Variants in RGS17 observed in about 807,000 individuals in gnomAD.
The protein encoded by RGS17 is regulator of G protein signaling 17.
Under a neutral mutation model 25.5 loss-of-function variants are expected in RGS17, and 12 were observed. That is an observed-to-expected ratio of 0.47 (90% CI 0.30 to 0.76). The LOEUF is 0.76. Ranked by LOEUF, RGS17 falls within the 30% of genes least tolerant of loss-of-function variation. The probability of loss-of-function intolerance (pLI) is 0.07; values close to 1 mark genes in which losing one functional copy is unlikely to be tolerated. For synonymous variants in RGS17, 71 were observed against 76.9 expected (o/e 0.92, Z 0.40); for missense variants, 196 against 242.2 (o/e 0.81, Z 1.27).
In RGS17 at chr6:153,053,644, G is replaced by A. The variant is rs1233680292; in HGVS notation, c.-25-9601C>T. Among the ~76,000 whole-genome samples, 3 of 151,580 alleles carry A rather than the reference G, an allele frequency of 2.0e-5. No individual in the cohort carries two copies. The Admixed American group carries it at 2.0e-4, about 10-fold the overall frequency. ...TTACAGAAAATAAAAAATTTAACCA[G>A]GCATGGTGGCATACATATGTAGTCC... On this transcript the variant is annotated intron_variant, in intron 1 of 4. Coordinates refer to ENST00000206262, the MANE Select transcript of RGS17 (RefSeq NM_012419.5).
At chr6:153,051,506 A>G (rs1166798392) in intron 1 of RGS17, among the ~76,000 whole-genome samples, 1 of 152,182 alleles carries the variant, frequency 6.6e-6, no homozygotes, top group Non-Finnish European at 1.5e-5. Context: ...CCTTTTCTCC[A>G]TCTTGTGCAA....
At chr6:153,052,266 C>A (rs967860089) in intron 1 of RGS17, among the ~76,000 whole-genome samples, 1 of 2,340 alleles carries the variant, frequency 4.3e-4, no homozygotes, top group African/African-American at 0.02. Flanking sequence ...GGGACCTCTG[C>A]CCCCAGTGGG....
At chr6:153,123,698 G>A (rs1777669074) in intron 1 of RGS17, among the ~76,000 whole-genome samples, 1 of 152,190 alleles carries the variant, frequency 6.6e-6, no homozygotes, top group Non-Finnish European at 1.5e-5. Flanking sequence ...AGATGGAACT[G>A]CAGCAGTATC....
At chr6:153,099,140 TAC>T (rs1777259537) in intron 1 of RGS17, among the ~76,000 whole-genome samples, 1 of 152,152 alleles carries the variant, frequency 6.6e-6, no homozygotes, top group Non-Finnish European at 1.5e-5. Flanking sequence ...ACCAGTAAGA[TAC>T]ACAGACACTA....
intron 1 of RGS17, among the ~76,000 whole-genome samples, chr6:153,079,751 T>C (rs1776944411): frequency 6.6e-6 from 1 of 152,014 alleles, no homozygotes; most frequent in Non-Finnish European, 1.5e-5. Flanking sequence ...TAAAGGATAT[T>C]GATCTGTAGG....
intron 1 of RGS17, among the ~76,000 whole-genome samples, chr6:153,102,842 G>A (rs181254994): frequency 6.6e-6 from 1 of 152,286 alleles, no homozygotes; most frequent in African/African-American, 2.4e-5. Context: ...TGTTCATTGT[G>A]TATGTGTCTT....
intron 1 of RGS17, among the ~76,000 whole-genome samples, chr6:153,072,915 T>C (rs1776826394): frequency 6.7e-6 from 1 of 149,240 alleles, no homozygotes; most frequent in African/African-American, 2.5e-5. Flanking sequence ...TTCATATGAG[T>C]TGTGAAATAT....
At chr6:153,020,081 C>T (rs1646077744) in intron 4 of RGS17, among the ~76,000 whole-genome samples, 1 of 117,110 alleles carries the variant, frequency 8.5e-6, no homozygotes, top group African/African-American at 3.6e-5. Context: ...GTTATGTCAC[C>T]TCCTAATTGC....
intron 1 of RGS17, among the ~76,000 whole-genome samples, chr6:153,049,938 G>T (rs188016568): frequency 2.0e-4 from 31 of 152,144 alleles, no homozygotes; most frequent in Non-Finnish European, 3.4e-4. Context: ...TTAGGCAATG[G>T]CATGGGAACA....
chr6:153,119,723 G>A (rs1777597891), intron 1 of RGS17, among the ~76,000 whole-genome samples: 1 of 152,112 alleles, frequency 6.6e-6, no homozygotes, highest in African/African-American at 2.4e-5. Context: ...TTTCCAATAG[G>A]ATGGCAACAT....
intron 2 of RGS17, among the ~76,000 whole-genome samples, chr6:153,033,591 G>A (rs1421382388): frequency 2.6e-5 from 4 of 152,028 alleles, no homozygotes; most frequent in South Asian, 2.1e-4. Context: ...AGTGGCGTGC[G>A]CCTGTAGCCC....
chr6:153,009,980 AAAG>A lies in RGS17; in HGVS notation c.*1591_*1593del, dbSNP rs1185135712. ...AACCTTTCAAGTAAAATAAATTTAA[AAAG>A]AAACCCCCAAACTTGTTTTTTTAAA... On this transcript the variant is annotated 3_prime_UTR_variant, in exon 5 of 5. Transcript: ENST00000206262. 1 of 151,952 alleles carries A rather than the reference AAAG, an allele frequency of 6.6e-6. No individual in the cohort carries two copies. Among genetic ancestry groups the A allele is most frequent in the African/African-American group, 2.4e-5 (1 of 41,446 alleles). The allele number at this position is 151,952 out of a possible 1,614,324, so 9.4% of individuals were successfully genotyped here.
intron 1 of RGS17, among the ~76,000 whole-genome samples, chr6:153,123,438 T>C (rs1259731222): frequency 1.3e-5 from 2 of 152,184 alleles, no homozygotes; most frequent in Non-Finnish European, 2.9e-5. Flanking sequence ...TACTTAGATA[T>C]ATTAACTATC....
In RGS17 at chr6:153,027,338, G is replaced by A. The variant is rs757595667; in HGVS notation, c.120-795C>T. Among the ~76,000 whole-genome samples, 17 of 152,158 alleles carry A rather than the reference G, an allele frequency of 1.1e-4. 1 individual carries two copies. The South Asian group carries it at 2.1e-3, about 19-fold the overall frequency. ...CCCTAAAGCTGAGCAGTGCTTTAGGGCAAAACACCGAAAACTCTCGGTGTG... is the reference window on the plus strand; with the variant it reads ...CCCTAAAGCTGAGCAGTGCTTTAGGACAAAACACCGAAAACTCTCGGTGTG... On this transcript the variant is annotated intron_variant, in intron 2 of 4. Coordinates refer to ENST00000206262, the MANE Select transcript of RGS17 (RefSeq NM_012419.5).
chr6:153,111,715 C>T (rs543716144), intron 1 of RGS17, among the ~76,000 whole-genome samples: 6 of 152,156 alleles, frequency 3.9e-5, no homozygotes, highest in Non-Finnish European at 8.8e-5. Flanking sequence ...CTGGTGGGTG[C>T]CCCTCTGGGA....
chr6:153,128,180 G>C (rs956366089), intron 1 of RGS17, among the ~76,000 whole-genome samples: 1 of 152,164 alleles, frequency 6.6e-6, no homozygotes, highest in African/African-American at 2.4e-5. Flanking sequence ...CCTTGGAAAT[G>C]TCATATAATT....
chr6:153,085,938 T>C (rs1777047387), intron 1 of RGS17, among the ~76,000 whole-genome samples: 1 of 152,156 alleles, frequency 6.6e-6, no homozygotes, highest in African/African-American at 2.4e-5. Flanking sequence ...CCTTCTAACC[T>C]GGTCACTTTT....
rs537112641 is a variant in RGS17 at position 153,006,682 on chromosome 6, T to C, written c.*4892A>G. On this transcript the variant is annotated 3_prime_UTR_variant, in exon 5 of 5. Transcript: ENST00000206262. The stretch of plus-strand genomic sequence containing the variant: ...TAATACAAGTATACAATAACAATTA[T>C]TGACGTGATGCACTTTGATAAAATA... The C allele has an allele frequency of 1.3e-5, 2 of 152,404 alleles. No homozygotes were observed. Among genetic ancestry groups the C allele is most frequent in the African/African-American group, 4.8e-5 (2 of 41,586 alleles). 9.4% of individuals were successfully genotyped at this position (152,404 alleles called of 1,614,324 possible).
At chr6:153,011,913 T>G (rs1779137700) in intron 4 of RGS17, 151 bp from the exon 5 acceptor site, 1 of 518,308 alleles carries the variant, frequency 1.9e-6, no homozygotes, top group African/African-American at 2.0e-5. Flanking sequence ...CTACACAACC[T>G]TATGTACTTT....
Sources: gnomAD v4.1 joint callset for allele counts (sites outside exome capture counted in the v4.1 genomes callset) on GRCh38, gnomAD v4.1.1 for gene constraint, MANE v1.5 for transcripts, NCBI Gene and HGNC (gene_info 2026-07-23, HGNC 2026-07-21) for gene names.